The following ZPBP variants were observed in gnomAD, a reference collection of about 807,000 sequenced individuals.
ZPBP encodes the protein zona pellucida binding protein, also known as zona pellucida-binding protein 1.
In ZPBP, 26 loss-of-function variants were observed where a neutral mutation model predicts 44.8. The ratio of observed to expected loss-of-function variants is 0.58; its 90% CI spans 0.43 to 0.81. ZPBP has a LOEUF of 0.81. Ranked by LOEUF, ZPBP falls within the 30% of genes least tolerant of loss-of-function variation. ZPBP has a pLI of 0.00. For synonymous variants in ZPBP, 174 were observed against 153.2 expected (o/e 1.14, Z -1.00); for missense variants, 409 against 434.0 (o/e 0.94, Z 0.51).
chr7:49,849,037 G>T (rs1246986086), downstream of ZPBP, among the ~76,000 whole-genome samples: 1 of 152,158 alleles, frequency 6.6e-6, no homozygotes, highest in Admixed American at 6.5e-5. Context: ...TTTAGGTCCT[G>T]CTTGCTTCAT....
intron 1 of ZPBP, among the ~76,000 whole-genome samples, chr7:49,901,988 G>A (rs547615317): frequency 6.0e-4 from 88 of 146,606 alleles, no homozygotes; most frequent in African/African-American, 2.3e-3. Context: ...ATCCACATGT[G>A]AAAAAATAAA....
At chr7:49,928,639 C>A (rs960302794) in intron 1 of ZPBP, among the ~76,000 whole-genome samples, 1 of 152,146 alleles carries the variant, frequency 6.6e-6, no homozygotes, top group Non-Finnish European at 1.5e-5. Flanking sequence ...GTGGCAGGAA[C>A]GGAAACCATG....
chr7:50,026,246 T>A (rs1799318460), intron 5 of ZPBP, among the ~76,000 whole-genome samples: 1 of 140,462 alleles, frequency 7.1e-6, no homozygotes, highest in Non-Finnish European at 1.5e-5. Flanking sequence ...AAAGAAGATA[T>A]AACATTTATA....
intron 2 of ZPBP, among the ~76,000 whole-genome samples, chr7:49,867,132 C>G (rs568413517): frequency 6.6e-6 from 1 of 152,140 alleles, no homozygotes; most frequent in Non-Finnish European, 1.5e-5. Flanking sequence ...GGGAGCCTCT[C>G]GAGAGAACAA....
At chr7:50,004,141 T>C (rs1262341274) in intron 6 of ZPBP, among the ~76,000 whole-genome samples, 1 of 152,100 alleles carries the variant, frequency 6.6e-6, no homozygotes, top group East Asian at 1.9e-4. Flanking sequence ...AGACCCATCC[T>C]CAAAGTGGGT....
At chr7:49,971,021 C>T (rs913688645) in intron 7 of ZPBP, among the ~76,000 whole-genome samples, 1 of 151,952 alleles carries the variant, frequency 6.6e-6, no homozygotes, top group Non-Finnish European at 1.5e-5. Context: ...TCCAGCCTCA[C>T]TGACAAGGCA....
intron 3 of ZPBP, among the ~76,000 whole-genome samples, chr7:50,070,612 A>T (rs1414027019): frequency 1.3e-5 from 2 of 152,218 alleles, no homozygotes; most frequent in Non-Finnish European, 2.9e-5. Flanking sequence ...AAGGAATCAG[A>T]GAGACTGATG....
chr7:49,969,615 C>T (rs919361006), intron 7 of ZPBP, among the ~76,000 whole-genome samples: 3 of 151,214 alleles, frequency 2.0e-5, no homozygotes, highest in African/African-American at 7.3e-5. Flanking sequence ...AAAGTTGTGT[C>T]AAAACCTGAT....
chr7:49,882,301 T>A (rs187372550), intron 2 of ZPBP, among the ~76,000 whole-genome samples: 1 of 152,292 alleles, frequency 6.6e-6, no homozygotes, highest in Admixed American at 6.5e-5. Context: ...CTGCTAAGCC[T>A]TCCTCACTTT....
At chr7:49,979,915 G>T (rs1796709459) in intron 7 of ZPBP, among the ~76,000 whole-genome samples, 2 of 104,180 alleles carry the variant, frequency 1.9e-5, no homozygotes, top group African/African-American at 3.7e-5. Context: ...CTGTGTTCTG[G>T]ATATATATCA....
At chr7:49,889,313 C>T (rs1037198991) in intron 2 of ZPBP, among the ~76,000 whole-genome samples, 81 of 152,180 alleles carry the variant, frequency 5.3e-4, no homozygotes, top group African/African-American at 1.9e-3. Flanking sequence ...TTAAACTTGA[C>T]GGCATGTCAT....
chr7:50,056,596 C>A (rs1383166525), intron 4 of ZPBP, among the ~76,000 whole-genome samples: 1 of 152,222 alleles, frequency 6.6e-6, no homozygotes, highest in Non-Finnish European at 1.5e-5. Context: ...GTCTGCCACA[C>A]ATGGGTCCCA....
chr7:49,895,105 T>C (rs192552171), intron 2 of ZPBP, among the ~76,000 whole-genome samples: 1 of 152,320 alleles, frequency 6.6e-6, no homozygotes, highest in East Asian at 1.9e-4. Context: ...ACAGTTCTAG[T>C]GGCTGGGAAG....
chr7:49,939,062 T>C (rs921261248), intron 7 of ZPBP, among the ~76,000 whole-genome samples: 18 of 152,150 alleles, frequency 1.2e-4, no homozygotes, highest in African/African-American at 4.1e-4. Flanking sequence ...CCTCCAGTGA[T>C]AACAACAGTA....
chr7:49,998,010 T>G (rs1009878624), intron 6 of ZPBP, among the ~76,000 whole-genome samples: 3 of 152,054 alleles, frequency 2.0e-5, no homozygotes, highest in African/African-American at 7.2e-5. Flanking sequence ...CTCTGCCTCC[T>G]GGGTTCAAGC....
At chr7:49,897,116 C>T (rs1423674301) in intron 2 of ZPBP, among the ~76,000 whole-genome samples, 5 of 151,800 alleles carry the variant, frequency 3.3e-5, no homozygotes, top group Non-Finnish European at 7.4e-5. Context: ...AGGATGGTCT[C>T]GATCTCCTGA....
At chr7:49,842,066 C>A in the ZPBP span, among the ~76,000 whole-genome samples, 1 of 152,118 alleles carries the variant, frequency 6.6e-6, no homozygotes, top group African/African-American at 2.4e-5. Flanking sequence ...CGAGGTTTCA[C>A]CATGTTGCCC....
intron 1 of ZPBP, among the ~76,000 whole-genome samples, chr7:50,090,975 T>A (rs989376291): frequency 1.4e-5 from 2 of 147,202 alleles, no homozygotes; most frequent in African/African-American, 2.5e-5. Flanking sequence ...CCAACATCTA[T>A]TTTTTTTTTT....
rs138009213 is a variant in ZPBP at position 49,951,876 on chromosome 7, A to G, written c.962-14254T>C. 1.7e-3 allele frequency among the ~76,000 whole-genome samples: 266 copies of G among 152,032 alleles called. 3 individuals carry two copies. Among genetic ancestry groups the G allele is most frequent in the African/African-American group, 6.0e-3 (249 of 41,560 alleles). ...ATTGTATATATATATAAAATGGGAT[A>G]TTATTCAGCCATAAGAAAGAATGTA... On this transcript the variant is annotated intron_variant, in intron 7 of 7. Transcript: ENST00000046087.
Sources: allele counts gnomAD v4.1 joint callset (sites outside exome capture counted in the v4.1 genomes callset), GRCh38; gene constraint gnomAD v4.1.1; transcripts MANE v1.5; gene names NCBI Gene and HGNC (gene_info 2026-07-23, HGNC 2026-07-21).